The following BRMS1L variants were observed in gnomAD, a reference collection of about 807,000 sequenced individuals.
The protein encoded by BRMS1L is BRMS1 like transcriptional repressor, also known as breast cancer metastasis-suppressor 1-like protein.
A neutral mutation model predicts 50.3 loss-of-function variants in BRMS1L; 23 were observed. That is an observed-to-expected ratio of 0.46 (90% confidence interval 0.33 to 0.65). The LOEUF (loss-of-function observed/expected upper bound fraction) is 0.65, where lower values mean the gene tolerates loss of function less well. Among genes scored for constraint, BRMS1L ranks in the 30% least tolerant of loss-of-function variants. The pLI, the probability that BRMS1L is intolerant of heterozygous loss-of-function variation, is 0.02. For missense variants in BRMS1L, 286 were observed against 386.1 expected, an observed-to-expected ratio of 0.74 and a Z score of 2.17; for synonymous variants, 114 against 126.9, an observed-to-expected ratio of 0.90 and a Z score of 0.69.
At chr14:35,861,657 C>T (rs539386533) in intron 4 of BRMS1L, among the ~76,000 whole-genome samples, 1 of 152,274 alleles carries the variant, frequency 6.6e-6, no homozygotes, top group African/African-American at 2.4e-5. Flanking sequence ...TTCCCTGACA[C>T]TCAGGAAACC....
rs572312839 is a variant in BRMS1L at position 35,836,967 on chromosome 14, G to A, written c.441+2044G>A. On this transcript the variant is annotated intron_variant, in intron 4 of 9. Coordinates refer to ENST00000216807, the MANE Select transcript of BRMS1L (RefSeq NM_032352.4). ...AAGAGGTCCTTCATATCCCTTGTAA[G>A]TTGTATTCCTAGGTATTTTAATCTC... Among the ~76,000 whole-genome samples, 10 of 152,284 alleles carry A rather than the reference G, an allele frequency of 6.6e-5. No homozygotes were observed. In the South Asian group the frequency reaches 1.4e-3, roughly 22 times the overall value.
intron 4 of BRMS1L, among the ~76,000 whole-genome samples, chr14:35,837,435 A>G (rs191032058): frequency 3.1e-4 from 47 of 152,060 alleles, no homozygotes; most frequent in Admixed American, 1.2e-3. Flanking sequence ...TTTATTCCAT[A>G]TGTTTCATTT....
intron 4 of BRMS1L, among the ~76,000 whole-genome samples, chr14:35,839,242 G>A (rs1022399243): frequency 7.2e-5 from 11 of 152,120 alleles, no homozygotes; most frequent in Admixed American, 5.2e-4. Flanking sequence ...GTCTGTTTTG[G>A]TACCAGTACC....
At chr14:35,843,013 T>C (rs2078086921) in intron 4 of BRMS1L, among the ~76,000 whole-genome samples, 1 of 152,242 alleles carries the variant, frequency 6.6e-6, no homozygotes, top group Admixed American at 6.5e-5. Context: ...TCATGCTGTG[T>C]TTTTCAGCTC....
intron 4 of BRMS1L, among the ~76,000 whole-genome samples, chr14:35,844,842 C>T (rs903834950): frequency 1.3e-5 from 2 of 152,088 alleles, no homozygotes; most frequent in East Asian, 3.9e-4. Context: ...ATATCATATC[C>T]AGCCAGCCAC....
intron 4 of BRMS1L, among the ~76,000 whole-genome samples, chr14:35,837,201 G>C (rs28669373): frequency 0.11 from 17,229 of 151,938 alleles, 1,057 homozygotes; most frequent in South Asian, 0.14. Flanking sequence ...GTTGCAGTGA[G>C]CTGAGATCGT....
rs538039642 is a variant in BRMS1L at position 35,826,371 on chromosome 14, GT to G, written c.-145del. On this transcript the variant is annotated 5_prime_UTR_variant, in exon 1 of 10. Coordinates refer to ENST00000216807, the MANE Select transcript of BRMS1L (RefSeq NM_032352.4). ...CATCGCAGAGCCTGCGGGTTAGGTT[GT>G]GAGGCCCGGGCCGGGGGCGGGGAGG... 8.0e-7 allele frequency: 1 copy of G among 1,246,788 alleles called. No homozygotes were observed. Among genetic ancestry groups the G allele is most frequent in the African/African-American group, 1.5e-5 (1 of 66,640 alleles). The allele number at this position is 1,246,788 out of a possible 1,614,324, so 77.2% of individuals were successfully genotyped here.
At chr14:35,864,842 T>C in intron 6 of BRMS1L, 93 bp from the exon 7 acceptor site, 1 of 916,984 alleles carries the variant, frequency 1.1e-6, no homozygotes, top group South Asian at 1.5e-5. Context: ...ATTATGCTCA[T>C]AAATCATCGT....
At chr14:35,844,238 A>G (rs995100943) in intron 4 of BRMS1L, among the ~76,000 whole-genome samples, 4 of 152,156 alleles carry the variant, frequency 2.6e-5, no homozygotes, top group South Asian at 2.1e-4. Context: ...GGGGTATGAA[A>G]AAAAGCTCCT....
At chr14:35,838,792 T>G (rs2078025396) in intron 4 of BRMS1L, among the ~76,000 whole-genome samples, 1 of 152,218 alleles carries the variant, frequency 6.6e-6, no homozygotes, top group Admixed American at 6.5e-5. Context: ...ATGGATAGAT[T>G]GCAAAAATTT....
At position 35,841,641 on chromosome 14, in the gene BRMS1L, A is replaced by G. The variant is rs140626520; in HGVS notation, c.441+6718A>G. ...TAAGTATGATGTAGTGCTGAGAAGA[A>G]CATACATCCTGTTGATTTGGGGTGG... On this transcript the variant is annotated intron_variant, in intron 4 of 9. Coordinates refer to ENST00000216807, the MANE Select transcript of BRMS1L (RefSeq NM_032352.4). 1.3e-4 allele frequency among the ~76,000 whole-genome samples: 20 copies of G among 152,318 alleles called. 1 individual carries two copies. The highest frequency in any genetic ancestry group is 4.3e-4 in the African/African-American group (18 of 41,570).
At position 35,842,881 on chromosome 14, in the gene BRMS1L, A is replaced by G. The variant is rs567300055; in HGVS notation, c.441+7958A>G. On this transcript the variant is annotated intron_variant, in intron 4 of 9. Transcript: ENST00000216807. ...CTTGGAGGGTTTGTTTGTTGCTCTT[A>G]ATTCTTTTCTCTCTAATCTTGTCTT... Among the ~76,000 whole-genome samples the G allele has an allele frequency of 2.0e-5, 3 of 151,982 alleles. No individual in the cohort carries two copies. In the South Asian group the frequency reaches 6.2e-4, roughly 32 times the overall value.
chr14:35,835,256 A>C (rs1304558417), intron 4 of BRMS1L, among the ~76,000 whole-genome samples: 1 of 152,210 alleles, frequency 6.6e-6, no homozygotes, highest in Non-Finnish European at 1.5e-5. Flanking sequence ...ATATACACTC[A>C]ATGGTGCAGT....
chr14:35,836,293 C>T (rs2077992203), intron 4 of BRMS1L, among the ~76,000 whole-genome samples: 1 of 152,132 alleles, frequency 6.6e-6, no homozygotes, highest in South Asian at 2.1e-4. Flanking sequence ...AGAAGTTTTA[C>T]ATTTTAATGT....
At chr14:35,868,120 G>A (rs1594352029) in intron 9 of BRMS1L, 88 bp downstream of exon 9, 3 of 1,341,334 alleles carry the variant, frequency 2.2e-6, no homozygotes, top group Non-Finnish European at 3.0e-6. Flanking sequence ...TCCATAGTGT[G>A]CCTATATCAT....
rs561929484 is a variant in BRMS1L, at chr14:35,841,357, G to A, written c.441+6434G>A. 3.4e-4 allele frequency among the ~76,000 whole-genome samples: 51 copies of A among 151,710 alleles called. 1 individual carries two copies. Among genetic ancestry groups the A allele is most frequent in the African/African-American group, 1.2e-3 (51 of 41,334 alleles). ...AGATGGAGTCTTGCTCTGTCCCCCA[G>A]GCGCAATCTCGGCTCACTGCAAGCT... On this transcript the variant is annotated intron_variant, in intron 4 of 9. Coordinates refer to ENST00000216807, the MANE Select transcript of BRMS1L (RefSeq NM_032352.4).
rs1308327265 is a variant in BRMS1L, at chr14:35,870,270, A to G, written c.855-90A>G. The G allele has an allele frequency of 4.1e-6, 3 of 734,574 alleles. No individual in the cohort carries two copies. The East Asian group carries it at 7.8e-5, about 19-fold the overall frequency. The allele number at this position is 734,574 out of a possible 1,614,324, so 45.5% of individuals were successfully genotyped here. The stretch of plus-strand genomic sequence containing the variant: ...ATACCTGAGTCTACTGTTGTAGGCC[A>G]GTTTATTTTGGTTTTATATAGGTAA... On this transcript the variant is annotated intron_variant, in intron 9 of 9. Transcript: ENST00000216807.
chr14:35,848,001 G>A (rs1296749503), intron 4 of BRMS1L, among the ~76,000 whole-genome samples: 1 of 152,202 alleles, frequency 6.6e-6, no homozygotes, highest in Non-Finnish European at 1.5e-5. Context: ...TATAAATGGT[G>A]CTGCAATGAA....
chr14:35,840,132 T>C (rs2078044258), intron 4 of BRMS1L, among the ~76,000 whole-genome samples: 1 of 152,218 alleles, frequency 6.6e-6, no homozygotes, highest in Non-Finnish European at 1.5e-5. Flanking sequence ...GATAATCATG[T>C]GGTTTTTGTC....
Sources: gnomAD v4.1 joint callset for allele counts (sites outside exome capture counted in the v4.1 genomes callset) on GRCh38, gnomAD v4.1.1 for gene constraint, MANE v1.5 for transcripts, NCBI Gene and HGNC (gene_info 2026-07-23, HGNC 2026-07-21) for gene names.